The following TENM3 variants were observed in gnomAD, a reference collection of about 807,000 sequenced individuals.
TENM3 encodes the protein teneurin transmembrane protein 3.
Under a neutral mutation model 255.1 loss-of-function variants are expected in TENM3, and 63 were observed. The observed-to-expected ratio is 0.25, with a 90% CI of 0.20 to 0.30. The LOEUF is 0.30. Among genes scored for constraint, TENM3 ranks in the 10% least tolerant of loss-of-function variants. The pLI is 1.00. For missense variants in TENM3, 2,929 were observed against 3,461.1 expected (o/e 0.85, Z 3.86); for synonymous variants, 1,306 against 1,322.3 (o/e 0.99, Z 0.27).
chr4:181,631,475 A>G, the TENM3 span, among the ~76,000 whole-genome samples: 6 of 151,982 alleles, frequency 3.9e-5, no homozygotes, highest in Non-Finnish European at 8.8e-5. Context: ...TATTTTTAGT[A>G]GAGGCAGGGT....
At chr4:182,425,227 C>T (rs1197482118) in intron 3 of TENM3, among the ~76,000 whole-genome samples, 1 of 152,204 alleles carries the variant, frequency 6.6e-6, no homozygotes, top group East Asian at 1.9e-4. Context: ...TTATGTTGGA[C>T]TCCATTATAG....
intron 3 of TENM3, among the ~76,000 whole-genome samples, chr4:182,350,589 A>G (rs1014985699): frequency 1.3e-5 from 2 of 152,202 alleles, no homozygotes; most frequent in African/African-American, 4.8e-5. Context: ...GAAAGGTTAT[A>G]AAATCAGTGT....
chr4:181,604,202 T>C, the TENM3 span, among the ~76,000 whole-genome samples: 1 of 151,988 alleles, frequency 6.6e-6, no homozygotes, highest in Non-Finnish European at 1.5e-5. Context: ...GAGGCGGAGC[T>C]TGCAGTGAGC....
At chr4:181,978,870 C>T in the TENM3 span, among the ~76,000 whole-genome samples, 46 of 149,150 alleles carry the variant, frequency 3.1e-4, no homozygotes, top group African/African-American at 1.0e-3. Context: ...TCTTGTTCTG[C>T]TTAAAAGAAT....
chr4:181,499,063 G>A, the TENM3 span, among the ~76,000 whole-genome samples: 8 of 152,212 alleles, frequency 5.3e-5, no homozygotes, highest in Admixed American at 3.9e-4. Context: ...AGTTTTTAAT[G>A]CTATTTCATC....
At chr4:181,890,281 T>G in the TENM3 span, among the ~76,000 whole-genome samples, 2 of 152,216 alleles carry the variant, frequency 1.3e-5, no homozygotes, top group East Asian at 3.9e-4. Flanking sequence ...GCCCAAGGGG[T>G]GCATGCTGGG....
intron 3 of TENM3, among the ~76,000 whole-genome samples, chr4:182,526,195 T>C (rs901673244): frequency 6.6e-6 from 1 of 151,940 alleles, no homozygotes; most frequent in East Asian, 1.9e-4. Flanking sequence ...TTAGCCAGGA[T>C]GGGCTCGATC....
At chr4:181,622,806 C>T in the TENM3 span, among the ~76,000 whole-genome samples, 1 of 152,164 alleles carries the variant, frequency 6.6e-6, no homozygotes, top group African/African-American at 2.4e-5. Flanking sequence ...CAACCTTCCA[C>T]ATTCCCTTTC....
At chr4:182,743,077 A>G in intron 18 of TENM3, 93 bp from the exon 19 acceptor site, 1 of 1,353,106 alleles carries the variant, frequency 7.4e-7, no homozygotes, top group Non-Finnish European at 1.0e-6. Context: ...CCTGACAGGC[A>G]TTGAATTATA....
the TENM3 span, among the ~76,000 whole-genome samples, chr4:181,959,601 C>T: frequency 1.7e-4 from 26 of 152,168 alleles, no homozygotes; most frequent in African/African-American, 4.1e-4. Context: ...ACCGGCATGC[C>T]GGCACCCCAC....
At chr4:181,730,630 T>C in the TENM3 span, among the ~76,000 whole-genome samples, 1 of 152,200 alleles carries the variant, frequency 6.6e-6, no homozygotes, top group African/African-American at 2.4e-5. Flanking sequence ...GATAGACTTT[T>C]GTTGTTCTGT....
intron 3 of TENM3, among the ~76,000 whole-genome samples, chr4:182,529,628 C>A (rs1018241412): frequency 6.6e-6 from 1 of 152,188 alleles, no homozygotes; most frequent in Non-Finnish European, 1.5e-5. Flanking sequence ...ATAACCTTCT[C>A]CCTGTAATAA....
At chr4:182,315,039 C>A (rs1288302378) in intron 1 of TENM3, among the ~76,000 whole-genome samples, 1 of 152,132 alleles carries the variant, frequency 6.6e-6, no homozygotes, top group African/African-American at 2.4e-5. Flanking sequence ...ACTTCACATA[C>A]CTTGTAATAG....
chr4:182,550,492 C>G (rs1432055551), intron 3 of TENM3, among the ~76,000 whole-genome samples: 1 of 152,134 alleles, frequency 6.6e-6, no homozygotes, highest in African/African-American at 2.4e-5. Flanking sequence ...TGGTAGCATC[C>G]TTTGCAGATG....
At chr4:181,605,518 G>GAAAT in the TENM3 span, among the ~76,000 whole-genome samples, 1 of 18,214 alleles carries the variant, frequency 5.5e-5, no homozygotes, top group South Asian at 2.1e-3. Context: ...AAGAAAGAAA[G>GAAAT]AAAGAAAGAA....
the TENM3 span, among the ~76,000 whole-genome samples, chr4:181,860,151 C>G: frequency 1.3e-5 from 2 of 152,188 alleles, no homozygotes; most frequent in African/African-American, 4.8e-5. Context: ...ATGGTACACA[C>G]TCTATAAGCA....
At chr4:182,246,435 G>A (rs570780593) in intron 1 of TENM3, among the ~76,000 whole-genome samples, 1 of 146,018 alleles carries the variant, frequency 6.8e-6, no homozygotes, top group Admixed American at 7.1e-5. Flanking sequence ...AGGTAGAAAT[G>A]TCTTCCTTTT....
chr4:182,783,232 C>G (rs1765330830), intron 24 of TENM3, among the ~76,000 whole-genome samples: 1 of 152,152 alleles, frequency 6.6e-6, no homozygotes, highest in Admixed American at 6.5e-5. Flanking sequence ...CCTTCAGGAG[C>G]TCTTTTAGGG....
chr4:182,783,504 C>CA (rs1554037115), intron 24 of TENM3, among the ~76,000 whole-genome samples: 1 of 151,944 alleles, frequency 6.6e-6, no homozygotes, highest in Non-Finnish European at 1.5e-5. Context: ...TCCTTCATTT[C>CA]AACTTTGGTG....
Sources: gnomAD v4.1 joint callset for allele counts (sites outside exome capture counted in the v4.1 genomes callset) on GRCh38, gnomAD v4.1.1 for gene constraint, MANE v1.5 for transcripts, NCBI Gene and HGNC (gene_info 2026-07-23, HGNC 2026-07-21) for gene names.